Variants in ENTREP1 observed in about 807,000 individuals in gnomAD.
ENTREP1 encodes Friedreich ataxia region gene X123.
chr9:69,354,122 C>G, the ENTREP1 span, among the ~76,000 whole-genome samples: 1 of 151,982 alleles, frequency 6.6e-6, no homozygotes, highest in Admixed American at 6.6e-5. Flanking sequence ...CATCAAGTAT[C>G]TAGGCATTGT....
At chr9:69,347,736 C>A in the ENTREP1 span, among the ~76,000 whole-genome samples, 1 of 152,196 alleles carries the variant, frequency 6.6e-6, no homozygotes, top group South Asian at 2.1e-4. Flanking sequence ...GAATAATGAG[C>A]CCTACAGAGT....
chr9:69,362,624 A>G, the ENTREP1 span, among the ~76,000 whole-genome samples: 2 of 152,196 alleles, frequency 1.3e-5, no homozygotes, highest in Non-Finnish European at 2.9e-5. Flanking sequence ...CTGAGTGTCA[A>G]CTTGATTGGA....
the ENTREP1 span, among the ~76,000 whole-genome samples, chr9:69,358,014 G>T: frequency 6.6e-6 from 1 of 152,266 alleles, no homozygotes; most frequent in South Asian, 2.1e-4. Flanking sequence ...GACTAATCAG[G>T]TTTTCTGGTA....
the ENTREP1 span, chr9:69,325,774 G>A: frequency 1.6e-6 from 2 of 1,215,812 alleles, no homozygotes; most frequent in East Asian, 3.3e-5. Flanking sequence ...GTGATAGGGG[G>A]CTCTGGTCGT....
At chr9:69,351,760 T>C in the ENTREP1 span, among the ~76,000 whole-genome samples, 1 of 152,220 alleles carries the variant, frequency 6.6e-6, no homozygotes, top group Non-Finnish European at 1.5e-5. Flanking sequence ...TCTTTCCTTG[T>C]AGAACATCTA....
At chr9:69,328,396 A>G in the ENTREP1 span, among the ~76,000 whole-genome samples, 3 of 152,202 alleles carry the variant, frequency 2.0e-5, no homozygotes, top group Non-Finnish European at 2.9e-5. Flanking sequence ...TCAATTTTAA[A>G]TCTTTTATTA....
the ENTREP1 span, chr9:69,383,889 T>C: frequency 6.4e-7 from 1 of 1,568,342 alleles, no homozygotes; most frequent in Non-Finnish European, 8.8e-7. Flanking sequence ...GTTCACTGGG[T>C]CTAATGAGGG....
chr9:69,342,331 G>A, the ENTREP1 span, among the ~76,000 whole-genome samples: 2 of 152,236 alleles, frequency 1.3e-5, no homozygotes, highest in Admixed American at 6.5e-5. Context: ...AAGAACCCAG[G>A]GATTTGGGCT....
chr9:69,366,414 T>A, the ENTREP1 span, among the ~76,000 whole-genome samples: 2 of 148,642 alleles, frequency 1.3e-5, no homozygotes, highest in Non-Finnish European at 3.0e-5. Context: ...ATTGAGTTGT[T>A]TGAGTTTCTT....
chr9:69,341,496 T>C, the ENTREP1 span, among the ~76,000 whole-genome samples: 1 of 144,274 alleles, frequency 6.9e-6, no homozygotes, highest in Non-Finnish European at 1.5e-5. Context: ...TTTTTTTTTT[T>C]CCTCTAAGAG....
chr9:69,367,872 A>AAT, the ENTREP1 span, among the ~76,000 whole-genome samples: 2 of 77,706 alleles, frequency 2.6e-5, no homozygotes, highest in Non-Finnish European at 4.8e-5. Flanking sequence ...CATATATATA[A>AAT]ATATATATAT....
the ENTREP1 span, among the ~76,000 whole-genome samples, chr9:69,338,424 G>A: frequency 6.6e-6 from 1 of 152,164 alleles, no homozygotes; most frequent in Non-Finnish European, 1.5e-5. Flanking sequence ...AATGGTATTT[G>A]TACTTTGAAA....
chr9:69,328,653 G>C, the ENTREP1 span, among the ~76,000 whole-genome samples: 1 of 106,594 alleles, frequency 9.4e-6, no homozygotes, highest in Non-Finnish European at 2.2e-5. Context: ...GCTAAACTAA[G>C]GTTTCTATAA....
At chr9:69,327,051 A>C in the ENTREP1 span, among the ~76,000 whole-genome samples, 1 of 151,848 alleles carries the variant, frequency 6.6e-6, no homozygotes, top group African/African-American at 2.4e-5. Flanking sequence ...TTGAACCCAA[A>C]GTAATTGTTT....
chr9:69,358,892 CTT>C, the ENTREP1 span, among the ~76,000 whole-genome samples: 4 of 130,464 alleles, frequency 3.1e-5, no homozygotes, highest in East Asian at 2.3e-4. Flanking sequence ...TTTTCTTTTT[CTT>C]TTTCTTTCTT....
chr9:69,348,537 C>T, the ENTREP1 span, among the ~76,000 whole-genome samples: 1 of 152,190 alleles, frequency 6.6e-6, no homozygotes, highest in Non-Finnish European at 1.5e-5. Flanking sequence ...TCACTACTAT[C>T]AATTATGGAA....
At chr9:69,391,666 C>A in the ENTREP1 span, 1 of 1,614,184 alleles carries the variant, frequency 6.2e-7, no homozygotes, top group Non-Finnish European at 8.5e-7. Flanking sequence ...GACAGCCTGG[C>A]CTGCTGCACC....
the ENTREP1 span, among the ~76,000 whole-genome samples, chr9:69,345,856 A>C: frequency 6.6e-6 from 1 of 151,682 alleles, no homozygotes; most frequent in Non-Finnish European, 1.5e-5. Flanking sequence ...TGCCCATCTC[A>C]GTCTCCCAAA....
chr9:69,388,807 G>T, the ENTREP1 span, among the ~76,000 whole-genome samples: 66,327 of 152,002 alleles, frequency 0.44, 14,981 homozygotes, highest in African/African-American at 0.55. Flanking sequence ...GATAGGGCAT[G>T]TTTTCTCAGC....
Sources: allele counts gnomAD v4.1 joint callset (sites outside exome capture counted in the v4.1 genomes callset), GRCh38; gene constraint gnomAD v4.1.1; transcripts MANE v1.5; gene names NCBI Gene and HGNC (gene_info 2026-07-23, HGNC 2026-07-21).